Variants in TSC22D1 observed in about 807,000 individuals in gnomAD.
TSC22D1 encodes the protein TSC22 domain family protein 1.
In TSC22D1, 9 loss-of-function variants were observed where a neutral mutation model predicts 74.2. The observed-to-expected ratio is 0.12, with a 90% confidence interval of 0.07 to 0.21. The LOEUF (loss-of-function observed/expected upper bound fraction) is 0.21. Among genes scored for constraint, TSC22D1 ranks in the 10% least tolerant of loss-of-function variants. The probability of loss-of-function intolerance (pLI) is 1.00; values close to 1 mark genes in which losing one functional copy is unlikely to be tolerated. For missense variants in TSC22D1, 1,427 were observed against 1,304.7 expected (o/e 1.09, Z -1.44); for synonymous variants, 586 against 492.5 (o/e 1.19, Z -2.51).
At chr13:44,505,747 G>A (rs1879419080) in intron 1 of TSC22D1, among the ~76,000 whole-genome samples, 1 of 152,072 alleles carries the variant, frequency 6.6e-6, no homozygotes, top group African/African-American at 2.4e-5. Context: ...ATTTCATTAA[G>A]TACTTATTTA....
chr13:44,563,248 A>C (rs141728732), intron 1 of TSC22D1, among the ~76,000 whole-genome samples: 1 of 152,338 alleles, frequency 6.6e-6, no homozygotes, highest in Non-Finnish European at 1.5e-5. Context: ...CAAAATGAGA[A>C]GAATTAACAT....
intron 1 of TSC22D1, among the ~76,000 whole-genome samples, chr13:44,551,428 G>GTC (rs1882266428): frequency 6.7e-6 from 1 of 149,888 alleles, no homozygotes; most frequent in African/African-American, 2.5e-5. Flanking sequence ...GTGTGTGTGT[G>GTC]TGTGTCTGAG....
At chr13:44,519,575 T>C (rs1352902864) in intron 1 of TSC22D1, among the ~76,000 whole-genome samples, 1 of 152,100 alleles carries the variant, frequency 6.6e-6, no homozygotes, top group African/African-American at 2.4e-5. Flanking sequence ...AAGGTAAGAC[T>C]GGAAAGGTAA....
intron 1 of TSC22D1, among the ~76,000 whole-genome samples, chr13:44,553,070 A>G (rs1408276281): frequency 6.6e-6 from 1 of 152,204 alleles, no homozygotes; most frequent in Non-Finnish European, 1.5e-5. Context: ...AAATGTAGAG[A>G]TGGGCTGCAG....
In TSC22D1 at chr13:44,464,355, G is replaced by C. The variant is rs1336392731; in HGVS notation, c.2913-28260C>G. ...CATATTACTCCCACCATTTTCTTTG[G>C]AGAAGTTTTACCGAAGTCATTCACT... On this transcript the variant is annotated intron_variant, in intron 1 of 2. Coordinates refer to ENST00000458659, the MANE Select transcript of TSC22D1 (RefSeq NM_183422.4). Among the ~76,000 whole-genome samples the C allele has an allele frequency of 2.0e-5, 3 of 151,962 alleles. No homozygotes were observed. In the East Asian group the frequency reaches 5.8e-4, roughly 29 times the overall value.
At chr13:44,495,803 T>C (rs1425474417) in intron 1 of TSC22D1, among the ~76,000 whole-genome samples, 1 of 152,150 alleles carries the variant, frequency 6.6e-6, no homozygotes, top group Non-Finnish European at 1.5e-5. Flanking sequence ...TGGATATCCA[T>C]ATGCAAAAAA....
chr13:44,551,310 G>GGGGGGTGTGTGTGTGTGT (rs1555272439), intron 1 of TSC22D1, among the ~76,000 whole-genome samples: 1 of 132,776 alleles, frequency 7.5e-6, no homozygotes, highest in African/African-American at 2.9e-5. Context: ...ATCAGCTGGG[G>GGGGGGTGTGTGTGTGTGT]GTGTGTGTGT....
intron 1 of TSC22D1, among the ~76,000 whole-genome samples, chr13:44,554,013 G>A (rs951298900): frequency 7.2e-5 from 11 of 152,172 alleles, no homozygotes; most frequent in African/African-American, 1.2e-4. Flanking sequence ...AGAAAATTAT[G>A]TATAACGCCT....
At chr13:44,466,326 A>T (rs1877282865) in intron 1 of TSC22D1, among the ~76,000 whole-genome samples, 1 of 152,244 alleles carries the variant, frequency 6.6e-6, no homozygotes, top group Non-Finnish European at 1.5e-5. Context: ...ACCATTTTAA[A>T]ACATGGCCAT....
At position 44,475,623 on chromosome 13, in the gene TSC22D1, A is replaced by C. The variant is rs976943696; in HGVS notation, c.2913-39528T>G. ...GCCAGTATAATTTAATCAAGAAAAAAAGAGAAGGCAGAAATAAGCAGTATC... is the reference window on the plus strand; with the variant it reads ...GCCAGTATAATTTAATCAAGAAAAACAGAGAAGGCAGAAATAAGCAGTATC... On this transcript the variant is annotated intron_variant, in intron 1 of 2. Coordinates refer to ENST00000458659, the MANE Select transcript of TSC22D1 (RefSeq NM_183422.4). Among the ~76,000 whole-genome samples the C allele has an allele frequency of 6.9e-4, 105 of 152,170 alleles. 3 individuals carry two copies. The highest frequency in any genetic ancestry group is 2.4e-3 in the Admixed American group (37 of 15,280).
chr13:44,555,708 A>C (rs1882594832), intron 1 of TSC22D1, among the ~76,000 whole-genome samples: 1 of 151,930 alleles, frequency 6.6e-6, no homozygotes, highest in Non-Finnish European at 1.5e-5. Flanking sequence ...TGTGGCACCC[A>C]CCCATGCAAG....
intron 1 of TSC22D1, among the ~76,000 whole-genome samples, chr13:44,459,037 T>C (rs1402728808): frequency 1.3e-5 from 2 of 152,122 alleles, no homozygotes; most frequent in East Asian, 3.9e-4. Context: ...GCCTAAAGCC[T>C]GGGGGCTGGG....
intron 1 of TSC22D1, among the ~76,000 whole-genome samples, chr13:44,548,302 AG>A (rs1347340692): frequency 1.3e-5 from 2 of 152,244 alleles, no homozygotes; most frequent in African/African-American, 4.8e-5. Flanking sequence ...CGATCACTTG[AG>A]GTCAGGAGTT....
intron 1 of TSC22D1, among the ~76,000 whole-genome samples, chr13:44,441,485 G>A (rs1875201649): frequency 6.6e-6 from 1 of 152,092 alleles, no homozygotes; most frequent in Admixed American, 6.5e-5. Flanking sequence ...ACTTTATTGA[G>A]AAGGTAACAG....
chr13:44,454,116 C>T (rs1487112582), intron 1 of TSC22D1, among the ~76,000 whole-genome samples: 2 of 151,992 alleles, frequency 1.3e-5, no homozygotes, highest in Non-Finnish European at 2.9e-5. Flanking sequence ...TGCACAAACA[C>T]ATAAAACTGA....
At chr13:44,531,088 CAGAA>C (rs936377869) in intron 1 of TSC22D1, among the ~76,000 whole-genome samples, 2 of 152,100 alleles carry the variant, frequency 1.3e-5, no homozygotes, top group African/African-American at 4.8e-5. Context: ...AACTGCACGA[CAGAA>C]AGCATGAACC....
At chr13:44,445,689 A>C (rs1875579727) in intron 1 of TSC22D1, among the ~76,000 whole-genome samples, 1 of 152,174 alleles carries the variant, frequency 6.6e-6, no homozygotes, top group Non-Finnish European at 1.5e-5. Flanking sequence ...GAAAACAAAC[A>C]ACCCATTAAA....
At chr13:44,453,334 A>G (rs541364349) in intron 1 of TSC22D1, among the ~76,000 whole-genome samples, 1 of 152,338 alleles carries the variant, frequency 6.6e-6, no homozygotes, top group African/African-American at 2.4e-5. Context: ...AGTGCACTGA[A>G]GTCAATTTTT....
intron 1 of TSC22D1, among the ~76,000 whole-genome samples, chr13:44,551,827 G>A (rs913964351): frequency 6.6e-6 from 1 of 152,286 alleles, no homozygotes; most frequent in East Asian, 1.9e-4. Flanking sequence ...CTTGAGGTCA[G>A]GTGTTCGAGG....
Sources: gnomAD v4.1 joint callset for allele counts (sites outside exome capture counted in the v4.1 genomes callset) on GRCh38, gnomAD v4.1.1 for gene constraint, MANE v1.5 for transcripts, NCBI Gene and HGNC (gene_info 2026-07-23, HGNC 2026-07-21) for gene names.